The following EXT1 variants were observed in gnomAD, a reference collection of about 807,000 sequenced individuals.
EXT1 encodes exostosin-1.
In EXT1, 20 loss-of-function variants were observed where a neutral mutation model predicts 82.5. The ratio of observed to expected loss-of-function variants is 0.24; its 90% CI spans 0.17 to 0.35. The LOEUF (loss-of-function observed/expected upper bound fraction) is 0.35, where lower values mean the gene tolerates loss of function less well. Ranked by LOEUF, EXT1 falls within the 10% of genes least tolerant of loss-of-function variation. The pLI is 1.00. For missense variants in EXT1, 757 were observed against 936.5 expected (o/e 0.81, Z 2.50); for synonymous variants, 348 against 350.8 (o/e 0.99, Z 0.09).
chr8:118,038,120 C>T (rs1816459981), intron 1 of EXT1, among the ~76,000 whole-genome samples: 1 of 151,998 alleles, frequency 6.6e-6, no homozygotes, highest in Admixed American at 6.5e-5. Flanking sequence ...GCCACTGCAC[C>T]CGGCCAAGAT....
At position 117,994,602 on chromosome 8, in the gene EXT1, T is replaced by C. The variant is rs1261526972; in HGVS notation, c.962+115483A>G. 2.6e-5 allele frequency among the ~76,000 whole-genome samples: 4 copies of C among 152,220 alleles called. No individual in the cohort carries two copies. In the South Asian group the frequency reaches 6.2e-4, roughly 24 times the overall value. The stretch of plus-strand genomic sequence containing the variant: ...CCCCAGCCTGGGCAACAGAGCAAGA[T>C]ACTGTCTCCAAAAGAAAAGGACTCT... On this transcript the variant is annotated intron_variant, in intron 1 of 10. Coordinates refer to ENST00000378204, the MANE Select transcript of EXT1 (RefSeq NM_000127.3).
chr8:117,825,328 T>C (rs1283790401), intron 4 of EXT1, among the ~76,000 whole-genome samples: 1 of 152,200 alleles, frequency 6.6e-6, no homozygotes, highest in Non-Finnish European at 1.5e-5. Flanking sequence ...GATCATTTTT[T>C]TCCCTCTGCA....
chr8:117,906,103 G>A (rs1586276940), intron 1 of EXT1, among the ~76,000 whole-genome samples: 1 of 152,126 alleles, frequency 6.6e-6, no homozygotes, highest in East Asian at 1.9e-4. Context: ...ATGACTCTTG[G>A]CTTGGTATTC....
At chr8:117,874,450 C>T (rs1345537713) in intron 1 of EXT1, among the ~76,000 whole-genome samples, 4 of 151,738 alleles carry the variant, frequency 2.6e-5, no homozygotes, top group African/African-American at 9.7e-5. Context: ...TTAGCACATG[C>T]CTGTAATCCC....
At chr8:117,832,525 A>C (rs1156506121) in intron 3 of EXT1, among the ~76,000 whole-genome samples, 2 of 150,822 alleles carry the variant, frequency 1.3e-5, no homozygotes, top group African/African-American at 4.9e-5. Flanking sequence ...TGTCTTAAAA[A>C]AAAAAAAGAA....
intron 1 of EXT1, among the ~76,000 whole-genome samples, chr8:117,984,991 G>A (rs1286198481): frequency 2.6e-5 from 4 of 152,192 alleles, no homozygotes; most frequent in Non-Finnish European, 4.4e-5. Context: ...CTCTCCAAGT[G>A]TAATCCTGAG....
At chr8:117,924,609 A>C (rs1229651335) in intron 1 of EXT1, among the ~76,000 whole-genome samples, 1 of 152,146 alleles carries the variant, frequency 6.6e-6, no homozygotes, top group East Asian at 1.9e-4. Flanking sequence ...AATAATTATC[A>C]CTACAGGCCA....
chr8:117,911,989 A>G (rs1016782563), intron 1 of EXT1, among the ~76,000 whole-genome samples: 4 of 152,218 alleles, frequency 2.6e-5, no homozygotes, highest in African/African-American at 9.7e-5. Flanking sequence ...GCACAAAAAG[A>G]GGGAGAAAAG....
intron 1 of EXT1, among the ~76,000 whole-genome samples, chr8:118,093,046 T>C (rs1167740684): frequency 6.6e-6 from 1 of 152,112 alleles, no homozygotes; most frequent in African/African-American, 2.4e-5. Flanking sequence ...AAGGAGTTCA[T>C]TGGAAATGCA....
intron 1 of EXT1, among the ~76,000 whole-genome samples, chr8:117,912,142 A>G (rs1035084923): frequency 1.3e-5 from 2 of 152,210 alleles, no homozygotes; most frequent in African/African-American, 4.8e-5. Context: ...GAGATCAAAA[A>G]TGGCACCATA....
At chr8:117,947,571 G>A (rs895662937) in intron 1 of EXT1, among the ~76,000 whole-genome samples, 5 of 152,280 alleles carry the variant, frequency 3.3e-5, no homozygotes, top group South Asian at 4.1e-4. Flanking sequence ...CCTTCACAAT[G>A]CGGATAACTT....
At chr8:117,875,620 AC>A (rs1812955591) in intron 1 of EXT1, among the ~76,000 whole-genome samples, 1 of 152,092 alleles carries the variant, frequency 6.6e-6, no homozygotes, top group Non-Finnish European at 1.5e-5. Context: ...CATTCTAGAG[AC>A]TTTTCAGGGT....
chr8:117,833,367 A>G (rs1261946537), intron 3 of EXT1, among the ~76,000 whole-genome samples: 1 of 152,230 alleles, frequency 6.6e-6, no homozygotes, highest in Non-Finnish European at 1.5e-5. Flanking sequence ...CTGTAATCCC[A>G]GCACTTTGGG....
At chr8:117,963,976 T>G (rs1814754938) in intron 1 of EXT1, among the ~76,000 whole-genome samples, 1 of 152,192 alleles carries the variant, frequency 6.6e-6, no homozygotes, top group Non-Finnish European at 1.5e-5. Context: ...GTTCATTTGA[T>G]GAAAGTCACC....
At chr8:117,855,250 T>A (rs1812521810) in intron 1 of EXT1, among the ~76,000 whole-genome samples, 2 of 152,204 alleles carry the variant, frequency 1.3e-5, no homozygotes, top group Non-Finnish European at 2.9e-5. Flanking sequence ...TATTGCACTT[T>A]GCAGATCTTG....
intron 1 of EXT1, among the ~76,000 whole-genome samples, chr8:118,062,721 G>A (rs755694141): frequency 1.3e-5 from 2 of 152,100 alleles, no homozygotes; most frequent in African/African-American, 2.4e-5. Context: ...GAAAAGGGAC[G>A]GTCCAGAAAG....
At chr8:117,813,148 C>G (rs1161647729) in intron 7 of EXT1, among the ~76,000 whole-genome samples, 187 bp from the exon 8 acceptor site, 1 of 152,200 alleles carries the variant, frequency 6.6e-6, no homozygotes, top group African/African-American at 2.4e-5. Context: ...AATTATTGGG[C>G]ACCTACTGTG....
At chr8:117,955,859 A>T (rs1814575945) in intron 1 of EXT1, among the ~76,000 whole-genome samples, 1 of 152,108 alleles carries the variant, frequency 6.6e-6, no homozygotes, top group Admixed American at 6.5e-5. Context: ...GCCTGGCCCA[A>T]ATATATATTT....
At chr8:117,810,872 T>C (rs201707926) in intron 8 of EXT1, among the ~76,000 whole-genome samples, 3 of 152,148 alleles carry the variant, frequency 2.0e-5, no homozygotes, top group East Asian at 1.9e-4. Context: ...GAGAGGTCAG[T>C]GTATCTCTTC....
Sources: allele counts gnomAD v4.1 joint callset (sites outside exome capture counted in the v4.1 genomes callset), GRCh38; gene constraint gnomAD v4.1.1; transcripts MANE v1.5; gene names NCBI Gene and HGNC (gene_info 2026-07-23, HGNC 2026-07-21).